The following KLC1 variants were observed in gnomAD, a reference collection of about 807,000 sequenced individuals.
The protein encoded by KLC1 is kinesin light chain 1, also known as kinesin 2 60/70kDa.
A neutral mutation model predicts 84.2 loss-of-function variants in KLC1; 30 were observed. That is an observed-to-expected ratio of 0.36 (90% confidence interval 0.27 to 0.48). The LOEUF (loss-of-function observed/expected upper bound fraction) is 0.48. Ranked by LOEUF, KLC1 falls within the 20% of genes least tolerant of loss-of-function variation. The pLI is 0.99. For missense variants in KLC1, 499 were observed against 805.4 expected (o/e 0.62, Z 4.60); for synonymous variants, 289 against 293.3 (o/e 0.99, Z 0.15).
At chr14:103,670,795 A>C (rs983272707) in intron 7 of KLC1, among the ~76,000 whole-genome samples, 1 of 151,308 alleles carries the variant, frequency 6.6e-6, no homozygotes. Context: ...TTAAGACTCA[A>C]TTACAGGCTG....
At chr14:103,657,928 A>G in intron 3 of KLC1, 152 bp downstream of exon 3, 5 of 674,310 alleles carry the variant, frequency 7.4e-6, no homozygotes, top group Non-Finnish European at 1.3e-5. Flanking sequence ...GCCACAATCC[A>G]GAGAGACACC....
chr14:103,675,478 C>A, intron 9 of KLC1, 74 bp from the exon 10 acceptor site: 4 of 1,268,982 alleles, frequency 3.2e-6, no homozygotes, highest in Non-Finnish European at 4.4e-6. Flanking sequence ...AAAGGAAATT[C>A]CCCTTAGAGC....
rs901616135 is a variant in KLC1, at chr14:103,701,407, G to T, written c.*208G>T. 1.4e-5 allele frequency: 7 copies of T among 510,468 alleles called. No homozygotes were observed. Among genetic ancestry groups the T allele is most frequent in the African/African-American group, 1.2e-4 (6 of 52,020 alleles). The allele number at this position is 510,468 out of a possible 1,614,324, so 31.6% of individuals were successfully genotyped here. On this transcript the variant is annotated 3_prime_UTR_variant, in exon 17 of 17. Coordinates refer to ENST00000334553, the MANE Select transcript of KLC1 (RefSeq NM_001394837.1). ...GGGGCTGGGCCTAAGCTGGTGCCCT[G>T]GTGCGGCGTGGTCTCTCCCAGGAGA...
At chr14:103,700,576 G>A in intron 15 of KLC1, 79 bp from the exon 16 acceptor site, 1 of 1,153,948 alleles carries the variant, frequency 8.7e-7, no homozygotes, top group South Asian at 1.3e-5. Context: ...CCACACGCTG[G>A]TGTCACGCCC....
chr14:103,633,179 T>G (rs2076812105), intron 1 of KLC1, among the ~76,000 whole-genome samples: 1 of 151,866 alleles, frequency 6.6e-6, no homozygotes, highest in African/African-American at 2.4e-5. Context: ...TGCCTCAGCC[T>G]CCCGAGTAGC....
intron 16 of KLC1, among the ~76,000 whole-genome samples, chr14:103,700,955 GCT>G (rs1595643717): frequency 6.6e-6 from 1 of 152,342 alleles, no homozygotes; most frequent in East Asian, 1.9e-4. Flanking sequence ...GCAAGAGAAG[GCT>G]CTGTGTCCAC....
chr14:103,687,256 C>G (rs749142723), intron 14 of KLC1, 45 bp downstream of exon 14: 28 of 1,492,374 alleles, frequency 1.9e-5, no homozygotes, highest in Admixed American at 4.0e-5. Flanking sequence ...ACGCCGGCTG[C>G]TGGGCCGCTT....
chr14:103,665,662 T>G (rs2079719444), intron 5 of KLC1, among the ~76,000 whole-genome samples: 1 of 152,164 alleles, frequency 6.6e-6, no homozygotes. Context: ...GTCTCAAAAC[T>G]CCTGACCTCA....
chr14:103,663,662 C>T (rs914101520), intron 5 of KLC1, among the ~76,000 whole-genome samples: 3 of 152,128 alleles, frequency 2.0e-5, no homozygotes, highest in Non-Finnish European at 2.9e-5. Flanking sequence ...GTGTGCTCCC[C>T]GAACCCTTTC....
rs2082265905 is a variant in KLC1 at position 103,693,889 on chromosome 14, C to T, written c.1848+1464C>T. The T allele has an allele frequency of 7.6e-7, 1 of 1,321,302 alleles. No individual in the cohort carries two copies. Among genetic ancestry groups the T allele is most frequent in the Non-Finnish European group, 9.7e-7 (1 of 1,036,080 alleles). The allele number at this position is 1,321,302 out of a possible 1,614,324, so 81.8% of individuals were successfully genotyped here. ...GGAGGCCGAGGTGGCGCTGAGGTGGCTTCAGCACGCTGGGGATTGGCTCCT... is the reference window on the plus strand; with the variant it reads ...GGAGGCCGAGGTGGCGCTGAGGTGGTTTCAGCACGCTGGGGATTGGCTCCT... On this transcript the variant is annotated intron_variant, in intron 15 of 16. Transcript: ENST00000334553. The surrounding 1 kb of genome is among the most constrained non-coding windows in gnomAD (Gnocchi z 5.1).
Position 103,675,576 on chromosome 14 carries a change from A to T in KLC1, c.1286A>T (p.His429Leu). ...GATGAAAATAAACCCATCTGGATGCATGCTGAAGAAAGAGAAGAATGCAAA... is the reference window on the plus strand; with the variant it reads ...GATGAAAATAAACCCATCTGGATGCTTGCTGAAGAAAGAGAAGAATGCAAA... ...VDDENKPIWM[H>L]AEEREECKGK... The change falls in exon 10 of 17, where the codon CAT becomes CTT. Residue 429 changes from histidine (H) to leucine (L), a missense_variant. Around this residue, in one of 3 missense-constraint regions of KLC1, gnomAD observed 153 missense variants for 332.4 expected, o/e 0.46. Transcript: ENST00000334553. 1.2e-6 allele frequency: 2 copies of T among 1,613,130 alleles called. No homozygotes were observed. Among genetic ancestry groups the T allele is most frequent in the Non-Finnish European group, 1.7e-6 (2 of 1,179,648 alleles).
chr14:103,692,339 T>C lies in KLC1; in HGVS notation c.1782-20T>C, dbSNP rs2082169946. 3.3e-6 allele frequency: 5 copies of C among 1,536,232 alleles called. No individual in the cohort carries two copies. Among genetic ancestry groups the C allele is most frequent in the Admixed American group, 2.0e-5 (1 of 50,988 alleles). ...GATGTGCTGATCGTTTGTCCTTGCA[T>C]GTCCGTGTCCGGGTTGCAGCATGAA... is the stretch of plus-strand genomic sequence containing the variant. On this transcript the variant is annotated intron_variant, in intron 14 of 16. Transcript: ENST00000334553.
chr14:103,694,935 C>T lies in KLC1; in HGVS notation c.1848+2510C>T, dbSNP rs144985293. On this transcript the variant is annotated intron_variant, in intron 15 of 16. Coordinates refer to ENST00000334553, the MANE Select transcript of KLC1 (RefSeq NM_001394837.1). This position sits in a 1 kb window ranked among gnomAD's most constrained non-coding sequence, Gnocchi z 4.5. Reference sequence around the variant, plus strand: ...GCGTTTGTTTCCACAAGACAAGCTCCGTGTAGTCGCCAGCGGGTGCCTGGC... The same window carrying T: ...GCGTTTGTTTCCACAAGACAAGCTCTGTGTAGTCGCCAGCGGGTGCCTGGC... 2.6e-4 allele frequency: 256 copies of T among 985,472 alleles called. No homozygotes were observed. In the African/African-American group the frequency reaches 4.0e-3, roughly 15 times the overall value. The allele number at this position is 985,472 out of a possible 1,614,324, so 61.0% of individuals were successfully genotyped here. A position where few individuals can be genotyped will look rare whatever the true frequency, so the allele number is the denominator to read the frequency against.
Position 103,657,765 on chromosome 14 carries a change from A to G in KLC1, c.481A>G (p.Ile161Val). Residue 161 changes from isoleucine to valine, a missense_variant, in exon 3 of 17, where the codon ATT becomes GTT. Transcript: ENST00000334553. ...MNQLKKYDDD[I>V]SPSEDKDTDS... is the part of the protein sequence containing the mutation. ...TCAGCTAAAAAAATATGATGACGAC[A>G]TTTCCCCATCCGTGAGTGGCTCTGT... The G allele has an allele frequency of 6.2e-7, 1 of 1,613,230 alleles. No homozygotes were observed. The highest frequency in any genetic ancestry group is 1.1e-5 in the South Asian group (1 of 91,012).
intron 1 of KLC1, among the ~76,000 whole-genome samples, chr14:103,648,487 G>A (rs939689879): frequency 6.6e-5 from 10 of 152,134 alleles, no homozygotes; most frequent in African/African-American, 2.4e-4. Context: ...TAAATCTTTG[G>A]ACTTGAGACT....
intron 1 of KLC1, among the ~76,000 whole-genome samples, chr14:103,645,720 T>A (rs527305638): frequency 2.0e-5 from 3 of 151,924 alleles, no homozygotes; most frequent in Non-Finnish European, 4.4e-5. Context: ...ACTAAACATA[T>A]CTAAACATAG....
intron 3 of KLC1, among the ~76,000 whole-genome samples, chr14:103,659,443 C>T (rs973710031): frequency 3.3e-5 from 5 of 152,110 alleles, no homozygotes; most frequent in East Asian, 1.9e-4. Context: ...CTCCCCTGAT[C>T]GTCCATAATC....
chr14:103,656,112 G>A (rs1023810177), intron 2 of KLC1, among the ~76,000 whole-genome samples: 6 of 152,156 alleles, frequency 3.9e-5, no homozygotes, highest in African/African-American at 1.4e-4. Context: ...TCTAGCATAG[G>A]GGAAGGGAAA....
At chr14:103,698,863 A>C in intron 15 of KLC1, 1 of 1,606,994 alleles carries the variant, frequency 6.2e-7, no homozygotes, top group Non-Finnish European at 8.5e-7. Context: ...GAACAGGAGG[A>C]GGGGGGCAGG....
Sources: allele counts gnomAD v4.1 joint callset (sites outside exome capture counted in the v4.1 genomes callset), GRCh38; gene constraint gnomAD v4.1.1; regional missense constraint gnomAD v4.1.1; non-coding constraint Gnocchi (gnomAD v3.1); transcripts MANE v1.5; gene names NCBI Gene and HGNC (gene_info 2026-07-23, HGNC 2026-07-21).